The following CNTNAP3B variants were observed in gnomAD, a reference collection of about 807,000 sequenced individuals.
CNTNAP3B encodes the protein contactin associated protein family member 3B.
In CNTNAP3B, 25 loss-of-function variants were observed where a neutral mutation model predicts 108.9. The observed-to-expected ratio is 0.23, with a 90% confidence interval of 0.17 to 0.32. The LOEUF (loss-of-function observed/expected upper bound fraction) is 0.32. CNTNAP3B is among the 10% of genes least tolerant of loss of function. The pLI is 1.00. For synonymous variants in CNTNAP3B, 103 were observed against 473.4 expected (o/e 0.22, Z 10.16); for missense variants, 252 against 1,210.4 (o/e 0.21, Z 11.75).
rs1413610032 is a variant in CNTNAP3B at position 42,012,212 on chromosome 9, G to C, written c.538+1166C>G. Among the ~76,000 whole-genome samples, 3 of 118,748 alleles carry C rather than the reference G, an allele frequency of 2.5e-5. 1 individual carries two copies. The Admixed American group carries it at 2.6e-4, about 10-fold the overall frequency. The allele number at this position is 118,748 out of a possible 152,430, so 77.9% of individuals were successfully genotyped here. A position where few individuals can be genotyped will look rare whatever the true frequency, so the allele number is the denominator to read the frequency against. ...AATGAGAGGAGAAGGTAACTTCACA[G>C]CATCAAAGAGAAATTCTAAATATCA... On this transcript the variant is annotated intron_variant, in intron 4 of 23. Transcript: ENST00000377561.
At chr9:41,924,602 A>T (rs1174879561) in intron 15 of CNTNAP3B, among the ~76,000 whole-genome samples, 2 of 149,044 alleles carry the variant, frequency 1.3e-5, no homozygotes, top group Non-Finnish European at 3.0e-5. Flanking sequence ...TAGTTGGAAA[A>T]ATGACTCCAG....
intron 10 of CNTNAP3B, among the ~76,000 whole-genome samples, chr9:41,967,623 G>T (rs538376135): frequency 3.3e-5 from 5 of 152,412 alleles, no homozygotes; most frequent in African/African-American, 9.6e-5. Flanking sequence ...TGAATTTTCA[G>T]TATTTTCAGG....
rs866010401 is a variant in CNTNAP3B, at chr9:42,075,636, C to T, written c.390+1233G>A. On this transcript the variant is annotated intron_variant, in intron 3 of 23. Transcript: ENST00000377561. ...CTTAACTTGGTAACAAAAATGCTGACGGTACCTCTGTCATTGACGTATTTT... is the reference window on the plus strand; with the variant it reads ...CTTAACTTGGTAACAAAAATGCTGATGGTACCTCTGTCATTGACGTATTTT... Among the ~76,000 whole-genome samples the T allele has an allele frequency of 8.2e-4, 103 of 125,020 alleles. 1 individual carries two copies. Among genetic ancestry groups the T allele is most frequent in the African/African-American group, 2.9e-3 (89 of 30,856 alleles). 82.0% of individuals were successfully genotyped at this position (125,020 alleles called of 152,430 possible).
At chr9:41,918,753 G>A (rs1408818280) in intron 18 of CNTNAP3B, among the ~76,000 whole-genome samples, 2 of 145,994 alleles carry the variant, frequency 1.4e-5, no homozygotes, top group African/African-American at 5.2e-5. Context: ...TTAGAAATCA[G>A]CACTTGTGCT....
chr9:41,956,162 G>A (rs1322549594), intron 12 of CNTNAP3B, among the ~76,000 whole-genome samples: 26 of 152,218 alleles, frequency 1.7e-4, no homozygotes, highest in Admixed American at 3.9e-4. Context: ...CGAGGCAGGC[G>A]GATTACGAGG....
chr9:42,042,987 A>ATCG (rs985935482), intron 3 of CNTNAP3B, among the ~76,000 whole-genome samples: 2 of 122,292 alleles, frequency 1.6e-5, no homozygotes, highest in Non-Finnish European at 1.9e-5. Context: ...TCAAATTCAA[A>ATCG]TCATCATCAT....
intron 1 of CNTNAP3B, among the ~76,000 whole-genome samples, chr9:42,128,070 G>A (rs1828610882): frequency 7.2e-6 from 1 of 138,238 alleles, no homozygotes; most frequent in Non-Finnish European, 1.5e-5. Context: ...AGAAGGAGGA[G>A]GAAGACATTT....
At chr9:41,960,621 A>T (rs1246826736) in intron 12 of CNTNAP3B, among the ~76,000 whole-genome samples, 152 bp downstream of exon 12, 1 of 152,294 alleles carries the variant, frequency 6.6e-6, no homozygotes, top group Non-Finnish European at 1.5e-5. Flanking sequence ...AATACAAGAA[A>T]ATTTTGTTGA....
chr9:41,927,428 G>C (rs1424863113), intron 15 of CNTNAP3B, among the ~76,000 whole-genome samples: 2 of 147,552 alleles, frequency 1.4e-5, no homozygotes, highest in Non-Finnish European at 3.0e-5. Flanking sequence ...GAAAAAGAAA[G>C]AAAAGAAAGA....
chr9:41,926,013 ATCTCTC>A (rs371984503), intron 15 of CNTNAP3B, among the ~76,000 whole-genome samples: 3 of 151,562 alleles, frequency 2.0e-5, no homozygotes, highest in Non-Finnish European at 4.4e-5. Flanking sequence ...GTGTATTTGT[ATCTCTC>A]TCTCTCTCTC....
At chr9:41,923,406 G>A (rs1482265842) in intron 16 of CNTNAP3B, among the ~76,000 whole-genome samples, 11 of 151,566 alleles carry the variant, frequency 7.3e-5, no homozygotes, top group Non-Finnish European at 1.2e-4. Context: ...GTACTCTAGG[G>A]AAGGCATGAC....
chr9:42,036,377 T>A lies in CNTNAP3B; in HGVS notation c.391-22852A>T, dbSNP rs563390866. On this transcript the variant is annotated intron_variant, in intron 3 of 23. Coordinates refer to ENST00000377561, the MANE Select transcript of CNTNAP3B (RefSeq NM_001201380.3). ...TCACACGTATTTTATTTTTGCACAG[T>A]GCACGTTTTCTCCAACTTCTTTTTT... Among the ~76,000 whole-genome samples, 136 of 140,576 alleles carry A rather than the reference T, an allele frequency of 9.7e-4. 28 individuals are homozygous for A. Among genetic ancestry groups the A allele is most frequent in the Non-Finnish European group, 1.6e-3 (105 of 65,240 alleles). 92.2% of individuals were successfully genotyped at this position (140,576 alleles called of 152,430 possible). A position where few individuals can be genotyped will look rare whatever the true frequency, so the allele number is the denominator to read the frequency against.
chr9:41,995,708 G>T (rs1421218184), intron 7 of CNTNAP3B, among the ~76,000 whole-genome samples: 1 of 120,462 alleles, frequency 8.3e-6, no homozygotes, highest in Non-Finnish European at 1.7e-5. Flanking sequence ...TCCAGTCTGG[G>T]TGACAGAGTG....
chr9:41,976,883 G>T (rs577052004), intron 9 of CNTNAP3B, among the ~76,000 whole-genome samples: 1 of 135,542 alleles, frequency 7.4e-6, no homozygotes, highest in East Asian at 2.2e-4. Context: ...TTGCTCCATT[G>T]CACTCCAGCC....
chr9:41,950,922 C>CT (rs1181655655), intron 13 of CNTNAP3B, among the ~76,000 whole-genome samples: 1 of 148,746 alleles, frequency 6.7e-6, no homozygotes, highest in Non-Finnish European at 1.5e-5. Context: ...CACCTGGCTA[C>CT]TTTTTTGTAT....
intron 13 of CNTNAP3B, among the ~76,000 whole-genome samples, chr9:41,945,485 A>T (rs1451309032): frequency 1.3e-5 from 2 of 152,308 alleles, no homozygotes; most frequent in South Asian, 4.1e-4. Context: ...ATGAAGCTGG[A>T]AACCATCATT....
intron 1 of CNTNAP3B, among the ~76,000 whole-genome samples, chr9:42,112,428 C>T (rs916846409): frequency 7.2e-6 from 1 of 138,938 alleles, no homozygotes; most frequent in Non-Finnish European, 1.5e-5. Flanking sequence ...AACAGGAGAA[C>T]CTCACTCCTG....
At chr9:41,916,471 C>T (rs1359523103) in intron 18 of CNTNAP3B, among the ~76,000 whole-genome samples, 15 of 152,174 alleles carry the variant, frequency 9.9e-5, no homozygotes, top group African/African-American at 2.7e-4. Context: ...TATATCCCTT[C>T]AACCTGAAGG....
rs1828281816 is a variant in CNTNAP3B, at chr9:42,115,035, C to G, written c.86-10296G>C. On this transcript the variant is annotated intron_variant, in intron 1 of 23. Coordinates refer to ENST00000377561, the MANE Select transcript of CNTNAP3B (RefSeq NM_001201380.3). ...TGCCACTGCTCTCCAGCCTAGGTGA[C>G]AGAGCAAGACTCCATATCGGAAAAA... Among the ~76,000 whole-genome samples, 2 of 134,582 alleles carry G rather than the reference C, an allele frequency of 1.5e-5. 1 individual carries two copies. The highest frequency in any genetic ancestry group is 3.1e-5 in the Non-Finnish European group (2 of 63,784). 88.3% of individuals were successfully genotyped at this position (134,582 alleles called of 152,430 possible). A position where few individuals can be genotyped will look rare whatever the true frequency, so the allele number is the denominator to read the frequency against.
Sources: gnomAD v4.1 joint callset for allele counts (sites outside exome capture counted in the v4.1 genomes callset) on GRCh38, gnomAD v4.1.1 for gene constraint, MANE v1.5 for transcripts, NCBI Gene and HGNC (gene_info 2026-07-23, HGNC 2026-07-21) for gene names.